Variants in DAP observed in about 807,000 individuals in gnomAD.
The protein encoded by DAP is death-associated protein 1.
In DAP, 8 loss-of-function variants were observed where a neutral mutation model predicts 13.8. That is an observed-to-expected ratio of 0.58 (90% CI 0.34 to 1.05). DAP has a LOEUF of 1.05. Ranked by LOEUF, DAP falls within the 50% of genes least tolerant of loss-of-function variation. DAP has a pLI of 0.03. For synonymous variants in DAP, 47 were observed against 47.5 expected (o/e 0.99, Z 0.04); for missense variants, 106 against 133.2 (o/e 0.80, Z 1.01).
chr5:10,719,350 G>A (rs926047300), intron 2 of DAP, among the ~76,000 whole-genome samples: 1 of 152,198 alleles, frequency 6.6e-6, no homozygotes, highest in Non-Finnish European at 1.5e-5. Context: ...TGTCACTTGG[G>A]CCATATGACC....
intron 2 of DAP, among the ~76,000 whole-genome samples, chr5:10,708,462 CACGCACAT>C (rs1377058784): frequency 6.7e-6 from 1 of 148,270 alleles, no homozygotes; most frequent in African/African-American, 2.6e-5. Flanking sequence ...CACACACACA[CACGCACAT>C]ATCTCCCTAA....
chr5:10,757,120 T>G (rs1412778749), intron 1 of DAP, among the ~76,000 whole-genome samples: 1 of 152,214 alleles, frequency 6.6e-6, no homozygotes, highest in Non-Finnish European at 1.5e-5. Flanking sequence ...CTTTACAAAC[T>G]GCCTCATTCG....
At position 10,737,412 on chromosome 5, in the gene DAP, C is replaced by T. The variant is rs149944448; in HGVS notation, c.152+10763G>A. The stretch of plus-strand genomic sequence containing the variant: ...AAAAAAACTGGAGCTGAGAGCTGGC[C>T]GGTGCTCAGCATCCCTGGTCTACTG... On this transcript the variant is annotated intron_variant, in intron 2 of 3. Transcript: ENST00000230895. 1.9e-3 allele frequency among the ~76,000 whole-genome samples: 293 copies of T among 151,978 alleles called. 1 individual carries two copies. Among genetic ancestry groups the T allele is most frequent in the African/African-American group, 6.3e-3 (262 of 41,468 alleles).
rs1445597386 is a variant in DAP at position 10,733,155 on chromosome 5, C to CGCGT, written c.152+15019_152+15020insACGC. On this transcript the variant is annotated intron_variant, in intron 2 of 3. Transcript: ENST00000230895. The stretch of plus-strand genomic sequence containing the variant: ...TTTTTAAGGTTGAATAATATTCCTG[C>CGCGT]GTGTGTGTGTGTGTGTGTGTGTGTG... Among the ~76,000 whole-genome samples, 28 of 128,480 alleles carry CGCGT rather than the reference C, an allele frequency of 2.2e-4. 1 individual carries two copies. Among genetic ancestry groups the CGCGT allele is most frequent in the African/African-American group, 7.4e-4 (25 of 33,768 alleles). The allele number at this position is 128,480 out of a possible 152,430, so 84.3% of individuals were successfully genotyped here.
Position 10,749,337 on chromosome 5 carries a change from T to A in DAP, c.56-1066A>T, listed in dbSNP as rs1561034562. 2.0e-5 allele frequency among the ~76,000 whole-genome samples: 3 copies of A among 152,142 alleles called. No homozygotes were observed. In the South Asian group the frequency reaches 6.2e-4, roughly 32 times the overall value. The stretch of plus-strand genomic sequence containing the variant: ...TTGAGTATATACCGAGAAATGGAAC[T>A]GCCAGGCCACATGGTGCCTCTGAAT... On this transcript the variant is annotated intron_variant, in intron 1 of 3. Transcript: ENST00000230895.
In DAP at chr5:10,689,616, C is replaced by T. The variant is rs540341355; in HGVS notation, c.153-6045G>A. Among the ~76,000 whole-genome samples, 360 of 152,332 alleles carry T rather than the reference C, an allele frequency of 2.4e-3. 2 individuals carry two copies. The highest frequency in any genetic ancestry group is 3.9e-3 in the Non-Finnish European group (268 of 68,040). On this transcript the variant is annotated intron_variant, in intron 2 of 3. Coordinates refer to ENST00000230895, the MANE Select transcript of DAP (RefSeq NM_004394.3). ...GCTAGGCTCAGCATAAGAAATGTGCCTCTGCCAACCACTGGGTGGCGAGGG... is the reference window on the plus strand; with the variant it reads ...GCTAGGCTCAGCATAAGAAATGTGCTTCTGCCAACCACTGGGTGGCGAGGG...
At chr5:10,721,001 C>T (rs541529440) in intron 2 of DAP, among the ~76,000 whole-genome samples, 2 of 152,326 alleles carry the variant, frequency 1.3e-5, no homozygotes, top group African/African-American at 4.8e-5. Context: ...TGACACTGGG[C>T]TCATGCTCAT....
chr5:10,752,205 T>G (rs1345294881), intron 1 of DAP, among the ~76,000 whole-genome samples: 2 of 152,362 alleles, frequency 1.3e-5, no homozygotes, highest in East Asian at 3.9e-4. Context: ...CATTAGCACT[T>G]GCATTTAATT....
intron 2 of DAP, among the ~76,000 whole-genome samples, chr5:10,739,721 G>A (rs1739708326): frequency 6.6e-6 from 1 of 151,982 alleles, no homozygotes; most frequent in African/African-American, 2.4e-5. Flanking sequence ...ATATTTGTGA[G>A]GTCTTGAATC....
At chr5:10,760,811 A>C (rs920144076) in intron 1 of DAP, among the ~76,000 whole-genome samples, 1 of 152,020 alleles carries the variant, frequency 6.6e-6, no homozygotes, top group Non-Finnish European at 1.5e-5. Context: ...CGCCGCCGGC[A>C]AGCGGGGCCG....
At chr5:10,742,606 G>T (rs1242208420) in intron 2 of DAP, among the ~76,000 whole-genome samples, 2 of 152,220 alleles carry the variant, frequency 1.3e-5, no homozygotes, top group Non-Finnish European at 2.9e-5. Context: ...GATTCTTCAG[G>T]TGGGCTTCTA....
chr5:10,687,621 T>G (rs577949137), intron 2 of DAP, among the ~76,000 whole-genome samples: 7 of 152,182 alleles, frequency 4.6e-5, no homozygotes, highest in Non-Finnish European at 8.8e-5. Context: ...TCCTCAGGGA[T>G]GAGGAGTTGC....
intron 2 of DAP, among the ~76,000 whole-genome samples, chr5:10,691,685 C>A (rs982480206): frequency 1.3e-5 from 2 of 152,174 alleles, no homozygotes; most frequent in Non-Finnish European, 1.5e-5. Context: ...TCAACCCTGC[C>A]CGCCCCATAT....
chr5:10,738,949 T>C (rs1036752518), intron 2 of DAP, among the ~76,000 whole-genome samples: 1 of 151,448 alleles, frequency 6.6e-6, no homozygotes, highest in Admixed American at 6.6e-5. Flanking sequence ...ATGCCTGTAA[T>C]CCCAGCACTT....
intron 2 of DAP, among the ~76,000 whole-genome samples, chr5:10,694,347 C>T (rs886352066): frequency 1.3e-5 from 2 of 152,028 alleles, no homozygotes; most frequent in South Asian, 2.1e-4. Context: ...AACTGGACAG[C>T]AACAGACCCT....
intron 2 of DAP, among the ~76,000 whole-genome samples, chr5:10,745,834 G>C (rs267947): frequency 1.3e-5 from 2 of 152,114 alleles, no homozygotes; most frequent in Admixed American, 1.3e-4. Flanking sequence ...TTTCTTCCTT[G>C]GGGAAACAGA....
chr5:10,745,265 C>T (rs1344234048), intron 2 of DAP, among the ~76,000 whole-genome samples: 1 of 152,196 alleles, frequency 6.6e-6, no homozygotes, highest in Non-Finnish European at 1.5e-5. Context: ...TGTACACAGG[C>T]TTACCCCGTT....
intron 2 of DAP, among the ~76,000 whole-genome samples, chr5:10,696,636 T>C (rs927081687): frequency 1.6e-4 from 24 of 152,230 alleles, no homozygotes; most frequent in Admixed American, 2.6e-4. Context: ...TCATGTTTAG[T>C]GGCAATAAGT....
intron 2 of DAP, among the ~76,000 whole-genome samples, chr5:10,745,898 A>G (rs2126676788): frequency 6.6e-6 from 1 of 152,322 alleles, no homozygotes; most frequent in East Asian, 1.9e-4. Context: ...AAATTACTAC[A>G]GGCTTACACA....
Sources: gnomAD v4.1 joint callset for allele counts (sites outside exome capture counted in the v4.1 genomes callset) on GRCh38, gnomAD v4.1.1 for gene constraint, MANE v1.5 for transcripts, NCBI Gene and HGNC (gene_info 2026-07-23, HGNC 2026-07-21) for gene names.